Variants in CDH13 observed in about 807,000 individuals in gnomAD.
CDH13 encodes cadherin 13, also known as cadherin-13.
Under a neutral mutation model 63.8 loss-of-function variants are expected in CDH13, and 24 were observed. The ratio of observed to expected loss-of-function variants is 0.38; its 90% confidence interval spans 0.27 to 0.53. The LOEUF is 0.53. CDH13 is among the 20% of genes least tolerant of loss of function. The pLI is 0.85. For missense variants in CDH13, 1,049 were observed against 903.1 expected, an observed-to-expected ratio of 1.16 and a Z score of -2.07; for synonymous variants, 503 against 355.3, an observed-to-expected ratio of 1.42 and a Z score of -4.67.
intron 3 of CDH13, among the ~76,000 whole-genome samples, chr16:83,036,446 A>T (rs892159081): frequency 2.0e-5 from 3 of 151,910 alleles, no homozygotes; most frequent in African/African-American, 7.3e-5. Context: ...CGCAGTGCCC[A>T]ACCTGGAGCT....
chr16:82,665,929 C>G (rs1912530467), intron 1 of CDH13, among the ~76,000 whole-genome samples: 1 of 152,036 alleles, frequency 6.6e-6, no homozygotes, highest in South Asian at 2.1e-4. Context: ...AGGAAAAGAT[C>G]AAAATTCAAA....
chr16:83,585,686 G>C (rs1158661054), intron 7 of CDH13, among the ~76,000 whole-genome samples: 2 of 152,122 alleles, frequency 1.3e-5, no homozygotes, highest in East Asian at 1.9e-4. Context: ...CTGACCATTA[G>C]AGACTCGGTG....
intron 7 of CDH13, among the ~76,000 whole-genome samples, chr16:83,536,849 A>T (rs751301378): frequency 1.3e-5 from 2 of 152,172 alleles, no homozygotes; most frequent in Non-Finnish European, 2.9e-5. Context: ...AATTGAGCAG[A>T]AGAGGTAATG....
intron 2 of CDH13, among the ~76,000 whole-genome samples, chr16:82,895,135 C>G (rs987166381): frequency 4.6e-5 from 7 of 152,204 alleles, no homozygotes; most frequent in African/African-American, 1.7e-4. Context: ...GCAATCACCA[C>G]CTCTACCTAG....
At chr16:82,705,131 A>G (rs1258744372) in intron 1 of CDH13, 3 of 455,942 alleles carry the variant, frequency 6.6e-6, no homozygotes, top group Non-Finnish European at 1.3e-5. Context: ...CCGAGATAGT[A>G]ACAGTCTTGC....
chr16:82,870,073 C>A (rs954026466), intron 2 of CDH13, among the ~76,000 whole-genome samples: 2 of 151,744 alleles, frequency 1.3e-5, no homozygotes, highest in African/African-American at 4.8e-5. Context: ...GAGAACCACC[C>A]GTTTAATGAG....
chr16:83,175,015 G>T (rs2038071218), intron 4 of CDH13, among the ~76,000 whole-genome samples: 1 of 152,026 alleles, frequency 6.6e-6, no homozygotes, highest in Non-Finnish European at 1.5e-5. Context: ...TGAGATTTGG[G>T]TGGGGACACA....
chr16:83,564,792 A>G (rs750111179), intron 7 of CDH13, among the ~76,000 whole-genome samples: 1 of 152,238 alleles, frequency 6.6e-6, no homozygotes, highest in Non-Finnish European at 1.5e-5. Context: ...TGCAGAGGCC[A>G]GAGAGAAGAG....
intron 3 of CDH13, among the ~76,000 whole-genome samples, chr16:83,060,905 T>C (rs1342245255): frequency 6.6e-6 from 1 of 152,174 alleles, no homozygotes; most frequent in Non-Finnish European, 1.5e-5. Flanking sequence ...TACTTGATAA[T>C]AGTCATTTTC....
At chr16:83,217,735 A>G (rs1400798710) in intron 5 of CDH13, among the ~76,000 whole-genome samples, 2 of 152,138 alleles carry the variant, frequency 1.3e-5, no homozygotes, top group Non-Finnish European at 2.9e-5. Context: ...ACCAGAGACC[A>G]AGAAGGGAGA....
At chr16:83,722,683 C>T (rs998536683) in intron 10 of CDH13, among the ~76,000 whole-genome samples, 1 of 152,178 alleles carries the variant, frequency 6.6e-6, no homozygotes, top group East Asian at 1.9e-4. Flanking sequence ...TTGTCTGTCC[C>T]ACACCCTCGC....
chr16:83,193,102 A>C (rs1333312254), intron 4 of CDH13, among the ~76,000 whole-genome samples: 1 of 151,996 alleles, frequency 6.6e-6, no homozygotes, highest in African/African-American at 2.4e-5. Context: ...CTGCACCTAC[A>C]GGCATTGCTG....
At chr16:83,594,369 A>G (rs575716025) in intron 7 of CDH13, among the ~76,000 whole-genome samples, 2 of 152,324 alleles carry the variant, frequency 1.3e-5, no homozygotes, top group South Asian at 4.1e-4. Context: ...AACATAAGCA[A>G]CTTGGCTGGG....
intron 4 of CDH13, among the ~76,000 whole-genome samples, chr16:83,175,822 T>C (rs1211227701): frequency 2.2e-5 from 1 of 44,480 alleles, no homozygotes; most frequent in Non-Finnish European, 4.0e-5. Flanking sequence ...TTCAACCTGC[T>C]TTTTTTTTTT....
intron 4 of CDH13, among the ~76,000 whole-genome samples, chr16:83,129,282 A>G (rs773029725): frequency 1.3e-5 from 2 of 152,176 alleles, no homozygotes; most frequent in Non-Finnish European, 2.9e-5. Flanking sequence ...AATATTACGT[A>G]TTAGACTTCG....
intron 11 of CDH13, among the ~76,000 whole-genome samples, chr16:83,778,491 C>T (rs1220506253): frequency 1.3e-5 from 2 of 150,996 alleles, no homozygotes; most frequent in Admixed American, 6.6e-5. Flanking sequence ...GACCACACCA[C>T]TGCACTCCAG....
At chr16:83,376,434 G>A (rs2091460692) in intron 6 of CDH13, among the ~76,000 whole-genome samples, 1 of 152,166 alleles carries the variant, frequency 6.6e-6, no homozygotes, top group South Asian at 2.1e-4. Flanking sequence ...GATATCAAGA[G>A]CAAGGAGAAC....
intron 2 of CDH13, among the ~76,000 whole-genome samples, chr16:82,979,549 C>A (rs1379579613): frequency 6.6e-6 from 1 of 152,074 alleles, no homozygotes; most frequent in Admixed American, 6.6e-5. Context: ...GGCGTTTCCC[C>A]CTTTTGCTCA....
chr16:82,975,661 A>C (rs1345806721), intron 2 of CDH13, among the ~76,000 whole-genome samples: 1 of 152,222 alleles, frequency 6.6e-6, no homozygotes, highest in African/African-American at 2.4e-5. Context: ...TACATTCCTC[A>C]ACTCCAAGAA....
Sources: gnomAD v4.1 joint callset for allele counts (sites outside exome capture counted in the v4.1 genomes callset) on GRCh38, gnomAD v4.1.1 for gene constraint, MANE v1.5 for transcripts, NCBI Gene and HGNC (gene_info 2026-07-23, HGNC 2026-07-21) for gene names.